TOR3A: variants seen among roughly 807,000 people sequenced by gnomAD.
TOR3A encodes torsin-3A.
In TOR3A, 44 loss-of-function variants were observed where a neutral mutation model predicts 42.1. That is an observed-to-expected ratio of 1.04 (90% CI 0.82 to 1.34). The LOEUF (loss-of-function observed/expected upper bound fraction) is 1.34. Among genes scored for constraint, TOR3A ranks in the 40% most tolerant of loss-of-function variants. The pLI is 0.00. For synonymous variants in TOR3A, 227 were observed against 213.2 expected, an observed-to-expected ratio of 1.06 and a Z score of -0.57; for missense variants, 521 against 507.6, an observed-to-expected ratio of 1.03 and a Z score of -0.25.
chr1:179,088,871 G>C (rs991745668), intron 4 of TOR3A, among the ~76,000 whole-genome samples: 3 of 152,208 alleles, frequency 2.0e-5, no homozygotes, highest in African/African-American at 7.2e-5. Context: ...GACCCAATTT[G>C]AAGGCTTCAC....
rs570704680 is a variant in TOR3A, at chr1:179,087,979, A to G, written c.708A>G (p.Glu236=). ...ACCAGACCCTGTTCATCTTCGATGA[A>G]GCGGAGAAGCTGCACCCAGGGCTGC... ...LCHQTLFIFD[E]AEKLHPGLLE... Residue 236 remains glutamate, a synonymous_variant, in exon 4 of 6, where the codon GAA becomes GAG. Transcript: ENST00000367627. 6 of 1,613,112 alleles carry G rather than the reference A, an allele frequency of 3.7e-6. No individual in the cohort carries two copies. Among genetic ancestry groups the G allele is most frequent in the East Asian group, 2.2e-5 (1 of 44,824 alleles).
Position 179,082,995 on chromosome 1 carries a change from C to G in TOR3A, c.315C>G (p.Tyr105Ter). 1.9e-6 allele frequency: 3 copies of G among 1,590,210 alleles called. No individual in the cohort carries two copies. The highest frequency in any genetic ancestry group is 2.6e-6 in the Non-Finnish European group (3 of 1,169,138). The change falls in exon 2 of 6, where the codon TAC (tyrosine) becomes TAG (stop). Residue 105 changes from tyrosine to a stop codon, truncating the protein, a stop_gained. Transcript: ENST00000367627. LOFTEE classifies it high-confidence loss of function. ...ACCTGGACCTCCTGACCACGTGGTA[C>G]TGCAGCTTCAAAGACTGCTGCCCTA... ...QRYLDLLTTW[Y>*]CSFKDCCPRG...
intron 4 of TOR3A, among the ~76,000 whole-genome samples, 181 bp from the exon 5 acceptor site, chr1:179,093,910 AGT>A (rs990473745): frequency 2.2e-4 from 34 of 152,328 alleles, no homozygotes; most frequent in South Asian, 8.3e-4. Context: ...AAAACTGGAC[AGT>A]GTCTTTTCTG....
chr1:179,090,671 G>A (rs540712883), intron 4 of TOR3A, among the ~76,000 whole-genome samples: 2 of 152,182 alleles, frequency 1.3e-5, no homozygotes, highest in Non-Finnish European at 2.9e-5. Flanking sequence ...GTGGTGCTCA[G>A]AGCCTGTCCT....
Position 179,095,401 on chromosome 1 carries a change from TTTC to T in TOR3A, c.*186_*188del, listed in dbSNP as rs1230107360. 1.7e-5 allele frequency: 24 copies of T among 1,436,722 alleles called. No homozygotes were observed. The highest frequency in any genetic ancestry group is 3.1e-5 in the South Asian group (2 of 64,286). The allele number at this position is 1,436,722 out of a possible 1,614,324, so 89.0% of individuals were successfully genotyped here. ...TACATTAGAAGCCAAGCCAATCCTT[TTTC>T]TTTTTTTTGGAGGTCCCACCGAGAT... On this transcript the variant is annotated 3_prime_UTR_variant, in exon 6 of 6. Transcript: ENST00000367627.
At position 179,085,591 on chromosome 1, in the gene TOR3A, G is replaced by A. The variant is rs777388280; in HGVS notation, c.374-37G>A. The A allele has an allele frequency of 1.7e-5, 27 of 1,605,994 alleles. No individual in the cohort carries two copies. In the Admixed American group the frequency reaches 4.5e-4, roughly 27 times the overall value. On this transcript the variant is annotated intron_variant, in intron 2 of 5. Coordinates refer to ENST00000367627, the MANE Select transcript of TOR3A (RefSeq NM_022371.4). Reference sequence around the variant, plus strand: ...GCTGTTGTGGTGGATGGGCCTGTGTGTGCCTTTTGCTGTGACTACCTCTTT... The same window carrying A: ...GCTGTTGTGGTGGATGGGCCTGTGTATGCCTTTTGCTGTGACTACCTCTTT...
intron 3 of TOR3A, among the ~76,000 whole-genome samples, chr1:179,086,107 A>T (rs1027310533): frequency 7.9e-5 from 12 of 152,178 alleles, no homozygotes; most frequent in African/African-American, 2.9e-4. Flanking sequence ...TCTGTCCCCA[A>T]ACAGCCACAC....
chr1:179,085,959 C>T, intron 3 of TOR3A, 66 bp downstream of exon 3: 1 of 1,565,700 alleles, frequency 6.4e-7, no homozygotes. Context: ...CCAGCCCTTC[C>T]TTGCAAGGAA....
At position 179,095,862 on chromosome 1, in the gene TOR3A, AG is replaced by A. The variant is rs1225288548; in HGVS notation, c.*646del. Reference sequence around the variant, plus strand: ...CACAGAGGAAGATATTTTACAAACCAGGTCAGTGTAGGCCAAGACTTATGGT... The same window carrying A: ...CACAGAGGAAGATATTTTACAAACCAGTCAGTGTAGGCCAAGACTTATGGT... On this transcript the variant is annotated 3_prime_UTR_variant, in exon 6 of 6. Coordinates refer to ENST00000367627, the MANE Select transcript of TOR3A (RefSeq NM_022371.4). 73 of 984,752 alleles carry A rather than the reference AG, an allele frequency of 7.4e-5. No homozygotes were observed. The Admixed American group carries it at 1.4e-3, about 19-fold the overall frequency. The allele number at this position is 984,752 out of a possible 1,614,324, so 61.0% of individuals were successfully genotyped here.
intron 4 of TOR3A, among the ~76,000 whole-genome samples, chr1:179,090,107 G>A (rs1048378911): frequency 1.3e-4 from 18 of 139,324 alleles, no homozygotes; most frequent in South Asian, 2.7e-4. Context: ...GGTTGTGGGC[G>A]GGGTGGGGGG....
At chr1:179,083,702 C>T (rs540391222) in intron 2 of TOR3A, among the ~76,000 whole-genome samples, 1 of 151,738 alleles carries the variant, frequency 6.6e-6, no homozygotes, top group East Asian at 1.9e-4. Context: ...AGCCACTGTG[C>T]CATGGCAACC....
At chr1:179,093,401 C>T (rs925032002) in intron 4 of TOR3A, among the ~76,000 whole-genome samples, 2 of 152,226 alleles carry the variant, frequency 1.3e-5, no homozygotes, top group African/African-American at 2.4e-5. Context: ...TGTTCCACCT[C>T]TGTTAAGGGG....
chr1:179,094,917 G>A (rs1429078409), intron 5 of TOR3A, 51 bp from the exon 6 acceptor site: 5 of 1,584,300 alleles, frequency 3.2e-6, no homozygotes, highest in Non-Finnish European at 4.3e-6. Flanking sequence ...CTAAATTCCA[G>A]CTAGGTTCAG....
At chr1:179,083,581 C>CGGGGG (rs78979955) in intron 2 of TOR3A, among the ~76,000 whole-genome samples, 15 of 102,630 alleles carry the variant, frequency 1.5e-4, no homozygotes, top group East Asian at 3.6e-4. Flanking sequence ...TTAGTAGAGG[C>CGGGGG]GGGGGGGGGG....
In TOR3A at chr1:179,082,618, C is replaced by G. The variant is rs540019493; in HGVS notation, c.259+231C>G. On this transcript the variant is annotated intron_variant, in intron 1 of 5. Coordinates refer to ENST00000367627, the MANE Select transcript of TOR3A (RefSeq NM_022371.4). The stretch of plus-strand genomic sequence containing the variant: ...ACCCCCCTGGCGCCCGGCTTCCCGT[C>G]CCCCGCCTCCCCTGATCCCTGCGCT... 3.2e-5 allele frequency: 23 copies of G among 709,044 alleles called. No homozygotes were observed. In the African/African-American group the frequency reaches 3.7e-4, roughly 11 times the overall value. The allele number at this position is 709,044 out of a possible 1,614,324, so 43.9% of individuals were successfully genotyped here. A position where few individuals can be genotyped will look rare whatever the true frequency, so the allele number is the denominator to read the frequency against.
At chr1:179,089,545 CAGTT>C (rs71758066) in intron 4 of TOR3A, among the ~76,000 whole-genome samples, 8,406 of 152,204 alleles carry the variant, frequency 0.055, 306 homozygotes, top group South Asian at 0.12. Flanking sequence ...TACATTCTTC[CAGTT>C]AGTTCTTATT....
chr1:179,082,734 G>T (rs756030681), intron 1 of TOR3A: 1 of 703,842 alleles, frequency 1.4e-6, no homozygotes, highest in South Asian at 1.5e-5. Flanking sequence ...GGGAACGTCC[G>T]CTGTGGACAT....
chr1:179,094,137 T>C lies in TOR3A; in HGVS notation c.863T>C (p.Leu288Pro). Residue 288 changes from leucine to proline, a missense_variant, in exon 5 of 6, where the codon CTC becomes CCC. Leu to Pro is a moderately conservative substitution (Grantham distance 98). Coordinates refer to ENST00000367627, the MANE Select transcript of TOR3A (RefSeq NM_022371.4). ...ATCAATGAGGTGGTCCTAAAGTTGC[T>C]CAAGGCTGGATGGTCCCGGGAAGAA... ...DIINEVVLKL[L>P]KAGWSREEIT... 1 of 1,614,114 alleles carries C rather than the reference T, an allele frequency of 6.2e-7. No individual in the cohort carries two copies. The highest frequency in any genetic ancestry group is 1.3e-5 in the African/African-American group (1 of 75,042).
chr1:179,082,205 C>G lies in TOR3A; in HGVS notation c.77C>G (p.Ala26Gly). 1 of 1,507,834 alleles carries G rather than the reference C, an allele frequency of 6.6e-7. No individual in the cohort carries two copies. Among genetic ancestry groups the G allele is most frequent in the Non-Finnish European group, 8.8e-7 (1 of 1,136,884 alleles). 93.4% of individuals were successfully genotyped at this position (1,507,834 alleles called of 1,614,324 possible). The stretch of plus-strand genomic sequence containing the variant: ...CCGGGCGCGCCTGAGCCCCGCGGCG[C>G]CTCCAGGCCGTGGGAGGGAACCGAC... ...LLPGAPEPRGASRPWEGTDEP... is the reference protein window; with the variant it reads ...LLPGAPEPRGGSRPWEGTDEP... The change falls in exon 1 of 6, where the codon GCC (alanine) becomes GGC (glycine). Residue 26 changes from alanine to glycine, a missense_variant. Ala to Gly is a moderately conservative substitution (Grantham distance 60). Coordinates refer to ENST00000367627, the MANE Select transcript of TOR3A (RefSeq NM_022371.4).
Sources: allele counts gnomAD v4.1 joint callset (sites outside exome capture counted in the v4.1 genomes callset), GRCh38; gene constraint gnomAD v4.1.1; transcripts MANE v1.5; gene names NCBI Gene and HGNC (gene_info 2026-07-23, HGNC 2026-07-21).